The following SRGAP2 variants were observed in gnomAD, a reference collection of about 807,000 sequenced individuals.
The protein encoded by SRGAP2 is SLIT-ROBO Rho GTPase activating protein 2.
In SRGAP2, 15 loss-of-function variants were observed where a neutral mutation model predicts 57.2. The observed-to-expected ratio is 0.26, with a 90% CI of 0.18 to 0.40. The LOEUF is 0.40. Among genes scored for constraint, SRGAP2 ranks in the 10% least tolerant of loss-of-function variants. The pLI, the probability that SRGAP2 is intolerant of heterozygous loss-of-function variation, is 1.00. For missense variants in SRGAP2, 520 were observed against 669.6 expected (o/e 0.78, Z 2.47); for synonymous variants, 249 against 248.0 (o/e 1.00, Z -0.04).
intron 18 of SRGAP2, 141 bp downstream of exon 18, chr1:206,446,440 C>T (rs1206421220): frequency 1.6e-6 from 1 of 643,666 alleles, no homozygotes. Flanking sequence ...TCTGGGGATG[C>T]TATAGGCAGC....
At chr1:206,283,368 A>G (rs1670837329) in intron 2 of SRGAP2, among the ~76,000 whole-genome samples, 1 of 151,692 alleles carries the variant, frequency 6.6e-6, no homozygotes, top group African/African-American at 2.4e-5. Context: ...GGTATTTCCC[A>G]ACATTTAAAA....
chr1:206,301,274 A>T (rs1671857388), intron 2 of SRGAP2, among the ~76,000 whole-genome samples: 1 of 151,808 alleles, frequency 6.6e-6, no homozygotes. Flanking sequence ...TGACCTTGTG[A>T]TCCGCCCGCC....
intron 7 of SRGAP2, among the ~76,000 whole-genome samples, chr1:206,398,869 T>A (rs1177397244): frequency 1.3e-5 from 2 of 152,190 alleles, no homozygotes; most frequent in Non-Finnish European, 2.9e-5. Context: ...ATCTGGATCT[T>A]GAAGATCTGG....
intron 2 of SRGAP2, among the ~76,000 whole-genome samples, chr1:206,257,569 A>AT (rs1487646471): frequency 7.0e-6 from 1 of 141,934 alleles, no homozygotes; most frequent in African/African-American, 2.6e-5. Flanking sequence ...GAGGGAGACT[A>AT]GAGGCAATAA....
chr1:206,230,807 T>G (rs1169874988), intron 2 of SRGAP2, among the ~76,000 whole-genome samples: 9 of 143,314 alleles, frequency 6.3e-5, no homozygotes, highest in Non-Finnish European at 1.2e-4. Flanking sequence ...TTGTATTTTT[T>G]AGTAGAGATG....
chr1:206,239,996 T>G (rs1376083820), intron 2 of SRGAP2, among the ~76,000 whole-genome samples: 6 of 151,704 alleles, frequency 4.0e-5, no homozygotes, highest in Admixed American at 1.3e-4. Flanking sequence ...CCAGGCACGG[T>G]GGCTCACGCC....
At chr1:206,303,888 T>TCTCA (rs1232915669) in intron 3 of SRGAP2, among the ~76,000 whole-genome samples, 4 of 138,368 alleles carry the variant, frequency 2.9e-5, no homozygotes, top group Non-Finnish European at 6.3e-5. Context: ...TCTCTCTCTC[T>TCTCA]CACACACACA....
At chr1:206,393,387 G>A (rs1189298822) in intron 6 of SRGAP2, among the ~76,000 whole-genome samples, 158 bp from the exon 7 acceptor site, 1 of 117,308 alleles carries the variant, frequency 8.5e-6, no homozygotes, top group Non-Finnish European at 1.7e-5. Flanking sequence ...TTGTGCCCTT[G>A]AATCTCATTA....
At chr1:206,414,136 A>C (rs1659471226) in intron 10 of SRGAP2, among the ~76,000 whole-genome samples, 1 of 151,048 alleles carries the variant, frequency 6.6e-6, no homozygotes, top group Non-Finnish European at 1.5e-5. Flanking sequence ...GGTTCAAGCA[A>C]TTCTCCCGCC....
intron 7 of SRGAP2, among the ~76,000 whole-genome samples, chr1:206,398,457 A>G (rs1186061523): frequency 6.6e-6 from 1 of 152,144 alleles, no homozygotes; most frequent in Admixed American, 6.5e-5. Flanking sequence ...GAATAGTTAT[A>G]TAAACAGAGG....
intron 3 of SRGAP2, chr1:206,333,454 T>C (rs2747583): frequency 0.025 from 36,360 of 1,482,556 alleles, 1,090 homozygotes; most frequent in African/African-American, 0.15. Flanking sequence ...TCCCCGAGGG[T>C]GAGGAACCGG....
At chr1:206,209,852 T>C (rs1553302024) in intron 2 of SRGAP2, among the ~76,000 whole-genome samples, 1 of 137,652 alleles carries the variant, frequency 7.3e-6, no homozygotes, top group Non-Finnish European at 1.5e-5. Flanking sequence ...AGATTACTTA[T>C]AATACCTAAT....
intron 10 of SRGAP2, chr1:206,408,027 T>C (rs1658845331): frequency 1.3e-5 from 2 of 150,364 alleles, no homozygotes; most frequent in African/African-American, 4.9e-5. Flanking sequence ...AAAATTTATC[T>C]TCACCATCAT....
intron 18 of SRGAP2, among the ~76,000 whole-genome samples, chr1:206,448,033 G>A (rs1662921507): frequency 6.6e-6 from 1 of 152,208 alleles, no homozygotes; most frequent in Non-Finnish European, 1.5e-5. Context: ...AGGAACAAGA[G>A]TCAGCAACCT....
intron 10 of SRGAP2, among the ~76,000 whole-genome samples, chr1:206,415,588 T>C (rs1659629262): frequency 6.6e-6 from 1 of 152,102 alleles, no homozygotes; most frequent in Non-Finnish European, 1.5e-5. Flanking sequence ...GCTCAATAAG[T>C]TCATCTACCC....
chr1:206,334,843 TC>T (rs1159144915), intron 3 of SRGAP2, among the ~76,000 whole-genome samples: 1 of 145,916 alleles, frequency 6.9e-6, no homozygotes, highest in Non-Finnish European at 1.5e-5. Context: ...TGCTAACACA[TC>T]TGTGTGTATT....
intron 2 of SRGAP2, among the ~76,000 whole-genome samples, chr1:206,281,908 C>T (rs1410449145): frequency 1.4e-5 from 2 of 141,646 alleles, no homozygotes; most frequent in East Asian, 1.9e-4. Flanking sequence ...AGTGAGACTC[C>T]GTCACAAAAA....
chr1:206,394,773 G>T (rs1657407095), intron 7 of SRGAP2, among the ~76,000 whole-genome samples: 2 of 151,868 alleles, frequency 1.3e-5, no homozygotes, highest in African/African-American at 2.4e-5. Flanking sequence ...TGTTTTTCCT[G>T]CTGCTTCCCC....
chr1:206,459,434 T>TA (rs1221526684), intron 22 of SRGAP2, among the ~76,000 whole-genome samples: 2 of 152,148 alleles, frequency 1.3e-5, no homozygotes, highest in South Asian at 2.1e-4. Flanking sequence ...TTTAAAGACC[T>TA]AAAAAATACT....
Sources: allele counts gnomAD v4.1 joint callset (sites outside exome capture counted in the v4.1 genomes callset), GRCh38; gene constraint gnomAD v4.1.1; transcripts MANE v1.5; gene names NCBI Gene and HGNC (gene_info 2026-07-23, HGNC 2026-07-21).